LRP1B: variants seen among roughly 807,000 people sequenced by gnomAD.
The protein encoded by LRP1B is LDL receptor related protein 1B, also known as low-density lipoprotein receptor-related protein 1B.
In LRP1B, 217 loss-of-function variants were observed where a neutral mutation model predicts 556.6. The ratio of observed to expected loss-of-function variants is 0.39; its 90% CI spans 0.35 to 0.44. The LOEUF (loss-of-function observed/expected upper bound fraction) is 0.44. Among genes scored for constraint, LRP1B ranks in the 20% least tolerant of loss-of-function variants. The pLI is 1.00. For synonymous variants in LRP1B, 2,047 were observed against 1,865.8 expected, an observed-to-expected ratio of 1.10 and a Z score of -2.50; for missense variants, 5,053 against 5,620.8, an observed-to-expected ratio of 0.90 and a Z score of 3.23.
At chr2:141,882,826 G>T (rs1038538784) in intron 1 of LRP1B, among the ~76,000 whole-genome samples, 9 of 152,088 alleles carry the variant, frequency 5.9e-5, no homozygotes, top group African/African-American at 2.2e-4. Flanking sequence ...TACCACCTCA[G>T]CCTCTCAAAG....
intron 2 of LRP1B, among the ~76,000 whole-genome samples, chr2:141,616,567 A>G (rs1688309051): frequency 6.6e-6 from 1 of 152,246 alleles, no homozygotes; most frequent in African/African-American, 2.4e-5. Context: ...AAGATATTTT[A>G]TAGATATGCA....
chr2:141,866,690 T>C (rs1698423414), intron 1 of LRP1B, among the ~76,000 whole-genome samples: 1 of 151,970 alleles, frequency 6.6e-6, no homozygotes, highest in South Asian at 2.1e-4. Flanking sequence ...ACAGCTCTAT[T>C]TGGTATTTAA....
rs1574525566 is a variant in LRP1B at position 141,952,882 on chromosome 2, A to C, written c.83-142481T>G. Reference sequence around the variant, plus strand: ...GAAAGCCTTCATGCTATAAAGTAACACTCTCAAAGAACAGCCTGTCCTCAG... The same window carrying C: ...GAAAGCCTTCATGCTATAAAGTAACCCTCTCAAAGAACAGCCTGTCCTCAG... On this transcript the variant is annotated intron_variant, in intron 1 of 90. Transcript: ENST00000389484. 2.0e-5 allele frequency among the ~76,000 whole-genome samples: 3 copies of C among 151,956 alleles called. No individual in the cohort carries two copies. The South Asian group carries it at 6.2e-4, about 32-fold the overall frequency.
At chr2:141,551,245 G>C (rs1685740112) in intron 2 of LRP1B, among the ~76,000 whole-genome samples, 1 of 151,664 alleles carries the variant, frequency 6.6e-6, no homozygotes, top group Non-Finnish European at 1.5e-5. Context: ...AAAAATAAAT[G>C]TATATATAAC....
intron 87 of LRP1B, among the ~76,000 whole-genome samples, chr2:140,241,553 TC>T (rs1680948864): frequency 6.6e-6 from 1 of 150,742 alleles, no homozygotes; most frequent in South Asian, 2.1e-4. Context: ...ATAAAAGGTT[TC>T]TTTTTTTCCC....
chr2:140,364,494 G>A (rs748012902), intron 72 of LRP1B, among the ~76,000 whole-genome samples, 167 bp downstream of exon 72: 3 of 151,486 alleles, frequency 2.0e-5, no homozygotes, highest in Admixed American at 6.6e-5. Context: ...CTTCGGAACC[G>A]GATTATCCCT....
At chr2:140,252,193 AT>A (rs1037618080) in intron 86 of LRP1B, among the ~76,000 whole-genome samples, 6 of 148,408 alleles carry the variant, frequency 4.0e-5, no homozygotes, top group Non-Finnish European at 8.9e-5. Context: ...TCCATCTGTT[AT>A]TTTTTTGTAA....
At chr2:141,958,228 T>C (rs1241227464) in intron 1 of LRP1B, among the ~76,000 whole-genome samples, 1 of 151,960 alleles carries the variant, frequency 6.6e-6, no homozygotes, top group Non-Finnish European at 1.5e-5. Context: ...ATGCTGACTT[T>C]GTTCAGAAGA....
chr2:141,652,131 A>G (rs1402957100), intron 2 of LRP1B, among the ~76,000 whole-genome samples: 5 of 152,174 alleles, frequency 3.3e-5, no homozygotes, highest in Non-Finnish European at 5.9e-5. Flanking sequence ...CTCCTATTCA[A>G]TTTAAGCTCT....
At chr2:140,289,296 A>C (rs1174796052) in intron 84 of LRP1B, among the ~76,000 whole-genome samples, 2 of 152,000 alleles carry the variant, frequency 1.3e-5, no homozygotes, top group African/African-American at 4.8e-5. Context: ...TACAATTCGA[A>C]GTCCGCTTTA....
chr2:141,028,998 G>A (rs1698292453), intron 11 of LRP1B, among the ~76,000 whole-genome samples: 1 of 152,114 alleles, frequency 6.6e-6, no homozygotes, highest in Non-Finnish European at 1.5e-5. Context: ...CTGGCCAGAA[G>A]GGCTGACTGA....
At chr2:142,055,968 T>C (rs780053306) in intron 1 of LRP1B, among the ~76,000 whole-genome samples, 22 of 152,060 alleles carry the variant, frequency 1.4e-4, no homozygotes, top group Admixed American at 6.6e-4. Context: ...CTGGCCAACA[T>C]GGTGAAACCC....
intron 3 of LRP1B, among the ~76,000 whole-genome samples, chr2:141,268,679 T>C (rs551769624): frequency 5.3e-4 from 80 of 152,056 alleles, no homozygotes; most frequent in Non-Finnish European, 1.1e-3. Context: ...AACTGGAGTA[T>C]TGGTTGAAAT....
chr2:141,591,453 A>G (rs1366313562), intron 2 of LRP1B, among the ~76,000 whole-genome samples: 1 of 151,724 alleles, frequency 6.6e-6, no homozygotes, highest in Non-Finnish European at 1.5e-5. Context: ...AAAAAAGCTA[A>G]TATGTGTTTG....
At chr2:140,691,053 A>T (rs1306864265) in intron 41 of LRP1B, among the ~76,000 whole-genome samples, 1 of 152,206 alleles carries the variant, frequency 6.6e-6, no homozygotes, top group African/African-American at 2.4e-5. Context: ...TTGATTTTTT[A>T]GCCTTTTTAA....
rs201715046 is a variant in LRP1B, at chr2:140,770,831, T to A, written c.5626+50A>T. 282 of 1,471,764 alleles carry A rather than the reference T, an allele frequency of 1.9e-4. 1 individual carries two copies. In the South Asian group the frequency reaches 1.9e-3, roughly 10 times the overall value. 91.2% of individuals were successfully genotyped at this position (1,471,764 alleles called of 1,614,324 possible). ...TGCCTAACATCTGCATGGTATGTAATGATTAGTGAAGTAAATGAACCAGAG... is the reference window on the plus strand; with the variant it reads ...TGCCTAACATCTGCATGGTATGTAAAGATTAGTGAAGTAAATGAACCAGAG... On this transcript the variant is annotated intron_variant, in intron 34 of 90. Transcript: ENST00000389484.
At chr2:140,686,792 C>T (rs1435447372) in intron 41 of LRP1B, among the ~76,000 whole-genome samples, 2 of 151,582 alleles carry the variant, frequency 1.3e-5, no homozygotes, top group Admixed American at 1.3e-4. Context: ...ATATGTCCAT[C>T]GATAGGAAGG....
At chr2:141,818,398 A>C (rs575383620) in intron 1 of LRP1B, among the ~76,000 whole-genome samples, 1 of 152,286 alleles carries the variant, frequency 6.6e-6, no homozygotes, top group Admixed American at 6.5e-5. Flanking sequence ...ATTCCATTTA[A>C]ATTGTTTTTC....
intron 1 of LRP1B, among the ~76,000 whole-genome samples, chr2:141,884,080 A>G (rs757380185): frequency 6.6e-6 from 1 of 152,180 alleles, no homozygotes; most frequent in Non-Finnish European, 1.5e-5. Flanking sequence ...ATCAACTTTA[A>G]AAATGTATAA....
Sources: allele counts gnomAD v4.1 joint callset (sites outside exome capture counted in the v4.1 genomes callset), GRCh38; gene constraint gnomAD v4.1.1; transcripts MANE v1.5; gene names NCBI Gene and HGNC (gene_info 2026-07-23, HGNC 2026-07-21).